The following PTPRT variants were observed in gnomAD, a reference collection of about 807,000 sequenced individuals.
The protein encoded by PTPRT is protein tyrosine phosphatase receptor type T.
In PTPRT, 56 loss-of-function variants were observed where a neutral mutation model predicts 176.8. That is an observed-to-expected ratio of 0.32 (90% CI 0.26 to 0.40). The LOEUF (loss-of-function observed/expected upper bound fraction) is 0.40. Ranked by LOEUF, PTPRT falls within the 10% of genes least tolerant of loss-of-function variation. The pLI is 1.00. For synonymous variants in PTPRT, 783 were observed against 739.0 expected (o/e 1.06, Z -0.96); for missense variants, 1,540 against 1,908.2 (o/e 0.81, Z 3.60).
intron 11 of PTPRT, among the ~76,000 whole-genome samples, chr20:42,321,960 C>T (rs2057804581): frequency 6.6e-6 from 1 of 152,102 alleles, no homozygotes; most frequent in Admixed American, 6.5e-5. Context: ...GTAGTCCCAG[C>T]TTCTTAGGAG....
At chr20:42,375,721 GGATA>G (rs1213997964) in intron 9 of PTPRT, among the ~76,000 whole-genome samples, 2 of 152,090 alleles carry the variant, frequency 1.3e-5, no homozygotes, top group African/African-American at 4.8e-5. Flanking sequence ...ATAGATGGAT[GGATA>G]GATAGGCAGA....
At chr20:42,682,136 G>A (rs146555663) in intron 6 of PTPRT, among the ~76,000 whole-genome samples, 2 of 152,312 alleles carry the variant, frequency 1.3e-5, no homozygotes, top group African/African-American at 4.8e-5. Flanking sequence ...GTTACTATAA[G>A]GGAGATGACT....
chr20:42,839,216 G>C (rs573287121), intron 2 of PTPRT, among the ~76,000 whole-genome samples: 16 of 151,764 alleles, frequency 1.1e-4, no homozygotes, highest in Admixed American at 7.2e-4. Context: ...CCTTGGGCAG[G>C]ATTCTGATCC....
chr20:42,780,120 A>G, intron 4 of PTPRT, 98 bp downstream of exon 4: 1 of 938,830 alleles, frequency 1.1e-6, no homozygotes. Context: ...AGAGAGTGAG[A>G]GATGTTTGTA....
chr20:43,044,368 G>C (rs1986751219), intron 1 of PTPRT, among the ~76,000 whole-genome samples: 1 of 152,138 alleles, frequency 6.6e-6, no homozygotes, highest in Non-Finnish European at 1.5e-5. Context: ...GGCCAGGGAA[G>C]GTTACAGTTT....
intron 2 of PTPRT, among the ~76,000 whole-genome samples, chr20:42,825,501 C>T (rs1002833694): frequency 6.6e-6 from 1 of 151,688 alleles, no homozygotes; most frequent in African/African-American, 2.4e-5. Flanking sequence ...TAGCTTGCAC[C>T]TAATTTTGTA....
rs531164047 is a variant in PTPRT, at chr20:42,314,645, A to T, written c.2139+1078T>A. ...CAGGCTAAAGATATTTAGCTTGCAG[A>T]AAAGACAATCTTATGGGCACATTTA... On this transcript the variant is annotated intron_variant, in intron 12 of 30. Transcript: ENST00000373187. 6.6e-5 allele frequency among the ~76,000 whole-genome samples: 10 copies of T among 152,334 alleles called. 1 individual carries two copies. In the East Asian group the frequency reaches 1.9e-3, roughly 29 times the overall value.
intron 27 of PTPRT, 137 bp from the exon 28 acceptor site, chr20:42,085,990 C>T (rs1479863147): frequency 9.8e-6 from 11 of 1,126,342 alleles, no homozygotes; most frequent in Non-Finnish European, 1.2e-5. Flanking sequence ...TCTTGTTGCC[C>T]AGCCTGGAGT....
rs553018116 is a variant in PTPRT at position 42,533,976 on chromosome 20, GCCCTCTCTCTGTCC to G, written c.1154-61428_1154-61415del. Among the ~76,000 whole-genome samples, 400 of 152,266 alleles carry G rather than the reference GCCCTCTCTCTGTCC, an allele frequency of 2.6e-3. 4 individuals are homozygous for G. The highest frequency in any genetic ancestry group is 9.2e-3 in the African/African-American group (384 of 41,562). On this transcript the variant is annotated intron_variant, in intron 7 of 30. Coordinates refer to ENST00000373187, the MANE Select transcript of PTPRT (RefSeq NM_007050.6). ...TCTGGAATGCTTCTTCTCTGCAGCT[GCCCTCTCTCTGTCC>G]AGATGGACAGTTTCCATAGAGATCC... is the stretch of plus-strand genomic sequence containing the variant.
chr20:42,754,736 G>A lies in PTPRT; in HGVS notation c.859+1726C>T, dbSNP rs189303390. ...TAAGTGCCTAACTTGTTGATCTTTG[G>A]CTTAAGTGTTCATGGCATTGTGGTG... On this transcript the variant is annotated intron_variant, in intron 6 of 30. Transcript: ENST00000373187. Among the ~76,000 whole-genome samples the A allele has an allele frequency of 8.1e-4, 124 of 152,158 alleles. 1 individual carries two copies. Among genetic ancestry groups the A allele is most frequent in the African/African-American group, 1.4e-3 (60 of 41,494 alleles).
At chr20:42,967,447 A>G (rs1043157861) in intron 1 of PTPRT, among the ~76,000 whole-genome samples, 2 of 152,222 alleles carry the variant, frequency 1.3e-5, no homozygotes, top group African/African-American at 4.8e-5. Flanking sequence ...CAAGGCAGAG[A>G]GGGCAATGAT....
chr20:43,065,569 C>T (rs985693), intron 1 of PTPRT, among the ~76,000 whole-genome samples: 48,426 of 152,070 alleles, frequency 0.32, 8,433 homozygotes, highest in Admixed American at 0.44. Flanking sequence ...AAGGACATGA[C>T]CCAGAGATCT....
intron 18 of PTPRT, among the ~76,000 whole-genome samples, chr20:42,129,228 C>T (rs1381760450): frequency 6.6e-6 from 1 of 152,212 alleles, no homozygotes; most frequent in African/African-American, 2.4e-5. Context: ...TGTTTAAAAA[C>T]AGCAAGTTTA....
chr20:42,102,621 A>C (rs1323171719), intron 25 of PTPRT, among the ~76,000 whole-genome samples: 3 of 152,126 alleles, frequency 2.0e-5, no homozygotes, highest in Non-Finnish European at 4.4e-5. Flanking sequence ...GCTGCTTTAA[A>C]GGGTGGGCCA....
intron 8 of PTPRT, among the ~76,000 whole-genome samples, chr20:42,461,871 G>GT (rs1156523970): frequency 8.5e-4 from 125 of 146,888 alleles, no homozygotes; most frequent in Middle Eastern, 3.5e-3. Flanking sequence ...GGTGTTTCTG[G>GT]GTTTTTTTTT....
At chr20:42,639,332 C>A (rs900444396) in intron 7 of PTPRT, among the ~76,000 whole-genome samples, 1 of 152,044 alleles carries the variant, frequency 6.6e-6, no homozygotes, top group Non-Finnish European at 1.5e-5. Flanking sequence ...TTTTAGCTGA[C>A]GAATGCACTT....
At chr20:43,011,821 C>T (rs960430936) in intron 1 of PTPRT, among the ~76,000 whole-genome samples, 1 of 152,198 alleles carries the variant, frequency 6.6e-6, no homozygotes, top group African/African-American at 2.4e-5. Flanking sequence ...TCCGGGTGGG[C>T]ACCATCTAAT....
intron 5 of PTPRT, among the ~76,000 whole-genome samples, chr20:42,764,398 T>C (rs1390660483): frequency 1.3e-5 from 2 of 152,184 alleles, no homozygotes; most frequent in African/African-American, 4.8e-5. Flanking sequence ...ATTTCATTGA[T>C]CTCATGTAGA....
intron 2 of PTPRT, among the ~76,000 whole-genome samples, chr20:42,857,333 G>A (rs954841069): frequency 2.0e-5 from 3 of 152,112 alleles, no homozygotes; most frequent in Non-Finnish European, 1.5e-5. Context: ...ACAGTGTGAA[G>A]TACTGTAATG....
Sources: allele counts gnomAD v4.1 joint callset (sites outside exome capture counted in the v4.1 genomes callset), GRCh38; gene constraint gnomAD v4.1.1; transcripts MANE v1.5; gene names NCBI Gene and HGNC (gene_info 2026-07-23, HGNC 2026-07-21).